Variants in ADGRB3 observed in about 807,000 individuals in gnomAD.
ADGRB3 encodes the protein brain-specific angiogenesis inhibitor 3.
ADGRB3 carries 37 observed loss-of-function variants against 193.4 expected under a neutral mutation model. The observed-to-expected ratio is 0.19, with a 90% CI of 0.15 to 0.25. The LOEUF (loss-of-function observed/expected upper bound fraction) is 0.25. Among genes scored for constraint, ADGRB3 ranks in the 10% least tolerant of loss-of-function variants. The pLI, the probability that ADGRB3 is intolerant of heterozygous loss-of-function variation, is 1.00. For missense variants in ADGRB3, 1,637 were observed against 1,852.9 expected, an observed-to-expected ratio of 0.88 and a Z score of 2.14; for synonymous variants, 690 against 644.2, an observed-to-expected ratio of 1.07 and a Z score of -1.08.
At chr6:68,694,372 G>A (rs1765123228) in intron 3 of ADGRB3, among the ~76,000 whole-genome samples, 2 of 151,956 alleles carry the variant, frequency 1.3e-5, no homozygotes, top group Non-Finnish European at 2.9e-5. Flanking sequence ...CATTTGAGTG[G>A]CAGAAACCTA....
At chr6:69,286,930 A>G (rs538214799) in intron 20 of ADGRB3, among the ~76,000 whole-genome samples, 3 of 152,344 alleles carry the variant, frequency 2.0e-5, no homozygotes, top group South Asian at 2.1e-4. Flanking sequence ...TGTTAGTGTA[A>G]CTAACACATT....
At chr6:69,005,413 G>A (rs923952156) in intron 11 of ADGRB3, among the ~76,000 whole-genome samples, 4 of 151,920 alleles carry the variant, frequency 2.6e-5, no homozygotes, top group African/African-American at 9.7e-5. Context: ...GACTCCACAA[G>A]TTAAACTCTC....
At chr6:69,058,746 C>G (rs62416805) in intron 15 of ADGRB3, among the ~76,000 whole-genome samples, 1 of 151,938 alleles carries the variant, frequency 6.6e-6, no homozygotes, top group Non-Finnish European at 1.5e-5. Context: ...ACATATTTCT[C>G]AATTTTTCAG....
At chr6:69,376,578 A>C (rs1042931902) in intron 30 of ADGRB3, among the ~76,000 whole-genome samples, 5 of 152,008 alleles carry the variant, frequency 3.3e-5, no homozygotes, top group African/African-American at 1.2e-4. Flanking sequence ...TTTTACAAGG[A>C]GATTTGGGGG....
chr6:68,785,204 G>A (rs934968781), intron 3 of ADGRB3, among the ~76,000 whole-genome samples: 4 of 151,658 alleles, frequency 2.6e-5, no homozygotes, highest in African/African-American at 4.8e-5. Context: ...TGTGCACAAC[G>A]TGCAGGTTTG....
At chr6:69,017,401 A>G (rs1402015356) in intron 12 of ADGRB3, among the ~76,000 whole-genome samples, 3 of 151,900 alleles carry the variant, frequency 2.0e-5, no homozygotes, top group African/African-American at 7.2e-5. Context: ...CAAGAAATTA[A>G]CCTGACTTCA....
chr6:69,338,025 A>T (rs988025445), intron 24 of ADGRB3, among the ~76,000 whole-genome samples: 6 of 152,276 alleles, frequency 3.9e-5, no homozygotes, highest in African/African-American at 1.4e-4. Context: ...GTTTTTCCTA[A>T]AAGGTTTATT....
At chr6:68,680,645 A>G (rs1017112328) in intron 3 of ADGRB3, among the ~76,000 whole-genome samples, 3 of 152,228 alleles carry the variant, frequency 2.0e-5, no homozygotes, top group African/African-American at 7.2e-5. Context: ...CCTGGCTATC[A>G]GCAACCAGAA....
rs1768636875 is a variant in ADGRB3, at chr6:68,661,409, GTGTGTGTATATATA to G, written c.757+21983_757+21996del. On this transcript the variant is annotated intron_variant, in intron 3 of 31. Transcript: ENST00000370598. Reference sequence around the variant, plus strand: ...TATATATGTGTGTATACATATATATGTGTGTGTATATATATGTGTATACATATATATATGTGTGT... The same window carrying G: ...TATATATGTGTGTATACATATATATGTGTGTATACATATATATATGTGTGT... 2.4e-4 allele frequency among the ~76,000 whole-genome samples: 7 copies of G among 29,508 alleles called. 1 individual carries two copies. The highest frequency in any genetic ancestry group is 1.5e-3 in the Admixed American group (4 of 2,656). 19.4% of individuals were successfully genotyped at this position (29,508 alleles called of 152,430 possible).
Position 69,388,934 on chromosome 6 carries a change from C to A in ADGRB3, c.*43C>A. 6.4e-7 allele frequency: 1 copy of A among 1,563,946 alleles called. No homozygotes were observed. On this transcript the variant is annotated 3_prime_UTR_variant, in exon 32 of 32. Transcript: ENST00000370598. ...AAGGTAGAGACAAAACTTTATTGCA[C>A]TGACACTTAAGACTTGGGAAGCCTG...
rs1411169896 is a variant in ADGRB3 at position 69,320,958 on chromosome 6, G to T, written c.2815-3914G>T. On this transcript the variant is annotated intron_variant, in intron 20 of 31. Coordinates refer to ENST00000370598, the MANE Select transcript of ADGRB3 (RefSeq NM_001704.3). ...CTTTCCCCCAAATTTCCTGATTTCT[G>T]CCTTCTGGAAATACTTTTAAATAGA... Among the ~76,000 whole-genome samples, 5 of 151,306 alleles carry T rather than the reference G, an allele frequency of 3.3e-5. No homozygotes were observed. The East Asian group carries it at 9.7e-4, about 29-fold the overall frequency.
At chr6:68,678,540 A>G (rs1048828377) in intron 3 of ADGRB3, among the ~76,000 whole-genome samples, 9 of 152,216 alleles carry the variant, frequency 5.9e-5, no homozygotes, top group Non-Finnish European at 1.0e-4. Context: ...GGTGGATAGA[A>G]TGAAAAACTG....
intron 3 of ADGRB3, among the ~76,000 whole-genome samples, chr6:68,688,468 C>G (rs920016796): frequency 1.3e-5 from 2 of 152,114 alleles, no homozygotes; most frequent in Admixed American, 1.3e-4. Flanking sequence ...CATCAAGCAT[C>G]TAGAGAAGAT....
intron 20 of ADGRB3, among the ~76,000 whole-genome samples, chr6:69,250,418 A>G (rs1248640633): frequency 1.3e-5 from 2 of 152,222 alleles, no homozygotes; most frequent in Non-Finnish European, 2.9e-5. Flanking sequence ...CTAAAAGGTG[A>G]ATTCTGTATG....
intron 17 of ADGRB3, among the ~76,000 whole-genome samples, chr6:69,227,209 A>G (rs1018905412): frequency 6.6e-6 from 1 of 152,200 alleles, no homozygotes; most frequent in African/African-American, 2.4e-5. Flanking sequence ...ACAAAATGCC[A>G]AGAAAGGCCA....
At chr6:68,791,243 T>C (rs1686549724) in intron 3 of ADGRB3, among the ~76,000 whole-genome samples, 1 of 152,188 alleles carries the variant, frequency 6.6e-6, no homozygotes, top group African/African-American at 2.4e-5. Context: ...AATATTCATT[T>C]ATGTCCTCTC....
At chr6:68,661,520 CATATATATATGTGTATACATATATATAT>C (rs1426057011) in intron 3 of ADGRB3, among the ~76,000 whole-genome samples, 4 of 82,846 alleles carry the variant, frequency 4.8e-5, no homozygotes, top group African/African-American at 1.6e-4. Context: ...TGTGTGTATA[CATATATATATGTGTATACATATATATAT>C]ATATATATAT....
chr6:68,992,026 C>T (rs1016093296), intron 10 of ADGRB3, among the ~76,000 whole-genome samples: 2 of 152,170 alleles, frequency 1.3e-5, no homozygotes, highest in Admixed American at 6.6e-5. Flanking sequence ...TTTTGCTATG[C>T]TGTTTGCTAA....
intron 4 of ADGRB3, among the ~76,000 whole-genome samples, chr6:68,931,979 A>T (rs1365518189): frequency 6.6e-6 from 1 of 152,090 alleles, no homozygotes; most frequent in Non-Finnish European, 1.5e-5. Context: ...TATTTGTTTG[A>T]ACAAGTCTAA....
Sources: allele counts gnomAD v4.1 joint callset (sites outside exome capture counted in the v4.1 genomes callset), GRCh38; gene constraint gnomAD v4.1.1; transcripts MANE v1.5; gene names NCBI Gene and HGNC (gene_info 2026-07-23, HGNC 2026-07-21).